KHDRBS2: variants seen among roughly 807,000 people sequenced by gnomAD.
The protein encoded by KHDRBS2 is KH domain-containing, RNA-binding, signal transduction-associated protein 2.
A neutral mutation model predicts 44.3 loss-of-function variants in KHDRBS2; 26 were observed. That is an observed-to-expected ratio of 0.59 (90% CI 0.43 to 0.81). The LOEUF (loss-of-function observed/expected upper bound fraction) is 0.81. Among genes scored for constraint, KHDRBS2 ranks in the 40% least tolerant of loss-of-function variants. The pLI is 0.00. For missense variants in KHDRBS2, 476 were observed against 433.1 expected, an observed-to-expected ratio of 1.10 and a Z score of -0.88; for synonymous variants, 194 against 151.1, an observed-to-expected ratio of 1.28 and a Z score of -2.08.
chr6:61,819,573 G>T (rs1583003359), intron 6 of KHDRBS2, among the ~76,000 whole-genome samples: 1 of 151,914 alleles, frequency 6.6e-6, no homozygotes. Context: ...TGAGTGCACT[G>T]TTCTTTCTGA....
intron 3 of KHDRBS2, among the ~76,000 whole-genome samples, chr6:62,021,543 C>A (rs1782310797): frequency 6.6e-6 from 1 of 151,678 alleles, no homozygotes; most frequent in African/African-American, 2.4e-5. Flanking sequence ...TATATAAGTT[C>A]TTTTGGCCAT....
At chr6:62,053,603 GA>G (rs1789580556) in intron 2 of KHDRBS2, among the ~76,000 whole-genome samples, 1 of 151,828 alleles carries the variant, frequency 6.6e-6, no homozygotes, top group African/African-American at 2.4e-5. Flanking sequence ...CACATCATCT[GA>G]AAAACAAAGG....
intron 2 of KHDRBS2, among the ~76,000 whole-genome samples, chr6:62,170,627 C>T (rs996463794): frequency 6.6e-6 from 1 of 152,138 alleles, no homozygotes; most frequent in Non-Finnish European, 1.5e-5. Context: ...CCCTGCTATA[C>T]CACCATGGCT....
intron 4 of KHDRBS2, 75 bp from the exon 5 acceptor site, chr6:61,901,446 A>G: frequency 8.6e-7 from 1 of 1,157,402 alleles, no homozygotes; most frequent in South Asian, 1.5e-5. Context: ...AAAAAAAGAA[A>G]CAAAACAAAA....
chr6:61,567,116 TGA>T, the KHDRBS2 span, among the ~76,000 whole-genome samples: 1 of 152,156 alleles, frequency 6.6e-6, no homozygotes, highest in Non-Finnish European at 1.5e-5. Context: ...CCATACAGAC[TGA>T]GAGACAAGGA....
At chr6:61,726,199 A>G (rs1773535921) in intron 7 of KHDRBS2, among the ~76,000 whole-genome samples, 1 of 151,632 alleles carries the variant, frequency 6.6e-6, no homozygotes, top group Admixed American at 6.6e-5. Flanking sequence ...AGATGCAGAA[A>G]AGGCCTTCAA....
intron 1 of KHDRBS2, among the ~76,000 whole-genome samples, chr6:62,211,522 G>A (rs1464653145): frequency 1.3e-5 from 2 of 152,090 alleles, no homozygotes; most frequent in Non-Finnish European, 2.9e-5. Context: ...AACATTATAC[G>A]AGGATTAATG....
At chr6:61,570,885 T>C in the KHDRBS2 span, among the ~76,000 whole-genome samples, 1 of 152,052 alleles carries the variant, frequency 6.6e-6, no homozygotes, top group Non-Finnish European at 1.5e-5. Context: ...AGTTCACCAC[T>C]ACCAAAAGCA....
intron 2 of KHDRBS2, among the ~76,000 whole-genome samples, chr6:62,169,167 A>ATTCG (rs1819428692): frequency 3.5e-5 from 3 of 84,706 alleles, no homozygotes; most frequent in Non-Finnish European, 7.8e-5. Context: ...ACGTACACAT[A>ATTCG]TATGTATATA....
chr6:62,285,960 C>A lies in KHDRBS2; in HGVS notation c.-12G>T, dbSNP rs761143780. On this transcript the variant is annotated 5_prime_UTR_variant, in exon 1 of 9. Transcript: ENST00000281156. ...TTCTCCTCTTCCATAGCGCGGACTT[C>A]GGATTGTCCCCGGGCGAAGCGCGAG... is the stretch of plus-strand genomic sequence containing the variant. 6 of 1,566,912 alleles carry A rather than the reference C, an allele frequency of 3.8e-6. No homozygotes were observed. The highest frequency in any genetic ancestry group is 3.4e-5 in the Admixed American group (2 of 59,638).
At position 62,162,351 on chromosome 6, in the gene KHDRBS2, T is replaced by G. The variant is rs187318921; in HGVS notation, c.219+14834A>C. 1.5e-4 allele frequency among the ~76,000 whole-genome samples: 23 copies of G among 152,194 alleles called. No homozygotes were observed. In the East Asian group the frequency reaches 4.1e-3, roughly 27 times the overall value. On this transcript the variant is annotated intron_variant, in intron 2 of 8. Transcript: ENST00000281156. ...TTTTAAAGAACAGTTTTGCTAGATA[T>G]AAGATTCTTGATTGACAGTATTTTC... is the stretch of plus-strand genomic sequence containing the variant.
intron 6 of KHDRBS2, among the ~76,000 whole-genome samples, chr6:61,732,976 C>A (rs138565615): frequency 3.1e-4 from 47 of 152,202 alleles, no homozygotes; most frequent in African/African-American, 9.4e-4. Context: ...CTCAGCATAT[C>A]ATTGAAGCAG....
the KHDRBS2 span, among the ~76,000 whole-genome samples, chr6:61,617,721 A>C: frequency 1.3e-5 from 2 of 152,160 alleles, no homozygotes; most frequent in Non-Finnish European, 2.9e-5. Context: ...TTAACAAAGA[A>C]TTGTGTCCAA....
chr6:62,194,087 T>C (rs975408665), intron 1 of KHDRBS2, among the ~76,000 whole-genome samples: 2 of 152,164 alleles, frequency 1.3e-5, no homozygotes, highest in Non-Finnish European at 2.9e-5. Context: ...TGTAGTTCAA[T>C]TTATTAAGTT....
chr6:61,726,617 A>G (rs1397620560), intron 7 of KHDRBS2, among the ~76,000 whole-genome samples: 1 of 152,148 alleles, frequency 6.6e-6, no homozygotes, highest in Non-Finnish European at 1.5e-5. Flanking sequence ...TAGCATTCCT[A>G]TACATCAACA....
chr6:62,143,511 C>T (rs1444273271), intron 2 of KHDRBS2, among the ~76,000 whole-genome samples: 1 of 151,940 alleles, frequency 6.6e-6, no homozygotes, highest in Non-Finnish European at 1.5e-5. Flanking sequence ...ACTTCATAGT[C>T]TACAACTAGT....
chr6:61,983,248 T>TCTTTCTTTCTTTCTTTCTTTC (rs1416908763), intron 3 of KHDRBS2, among the ~76,000 whole-genome samples: 16 of 42,664 alleles, frequency 3.8e-4, no homozygotes, highest in African/African-American at 1.3e-3. Flanking sequence ...TTTTTTTTTT[T>TCTTTCTTTCTTTCTTTCTTTC]TTTTTTTTTA....
chr6:62,231,301 C>A (rs1027736231), intron 1 of KHDRBS2, among the ~76,000 whole-genome samples: 3 of 152,128 alleles, frequency 2.0e-5, no homozygotes, highest in African/African-American at 7.2e-5. Flanking sequence ...GGGAGACTTA[C>A]AATCATGGCA....
chr6:61,887,854 A>G (rs1245530226), intron 6 of KHDRBS2, among the ~76,000 whole-genome samples: 1 of 152,196 alleles, frequency 6.6e-6, no homozygotes, highest in Non-Finnish European at 1.5e-5. Flanking sequence ...CTAAAATTAG[A>G]GCAGAGAGTA....
Sources: allele counts gnomAD v4.1 joint callset (sites outside exome capture counted in the v4.1 genomes callset), GRCh38; gene constraint gnomAD v4.1.1; transcripts MANE v1.5; gene names NCBI Gene and HGNC (gene_info 2026-07-23, HGNC 2026-07-21).